Variants in SOX6 observed in about 807,000 individuals in gnomAD.
The protein encoded by SOX6 is SRY-box transcription factor 6.
In SOX6, 11 loss-of-function variants were observed where a neutral mutation model predicts 97.8. The ratio of observed to expected loss-of-function variants is 0.11; its 90% CI spans 0.07 to 0.19. The LOEUF is 0.19. SOX6 is among the 10% of genes least tolerant of loss of function. The pLI, the probability that SOX6 is intolerant of heterozygous loss-of-function variation, is 1.00. For synonymous variants in SOX6, 360 were observed against 371.4 expected (o/e 0.97, Z 0.35); for missense variants, 810 against 1,039.5 (o/e 0.78, Z 3.04).
chr11:16,404,587 C>T (rs1858644623), intron 1 of SOX6, among the ~76,000 whole-genome samples: 1 of 151,826 alleles, frequency 6.6e-6, no homozygotes, highest in South Asian at 2.1e-4. Context: ...ACATTGTATG[C>T]CCACAACCAG....
rs1356877232 is a variant in SOX6 at position 16,332,752 on chromosome 11, CT to C, written c.237+8259del. 2.0e-5 allele frequency among the ~76,000 whole-genome samples: 3 copies of C among 152,116 alleles called. No individual in the cohort carries two copies. In the East Asian group the frequency reaches 5.8e-4, roughly 29 times the overall value. ...ATTTGCATCACCTAAAAAACAATGC[CT>C]AGGGGTCAAGAGAATGTAGTAAAGG... is the stretch of plus-strand genomic sequence containing the variant. On this transcript the variant is annotated intron_variant, in intron 2 of 15. Transcript: ENST00000683767.
chr11:16,563,549 A>G (rs2133193582), intron 4 of SOX6, among the ~76,000 whole-genome samples: 1 of 152,314 alleles, frequency 6.6e-6, no homozygotes, highest in East Asian at 1.9e-4. Flanking sequence ...AGAACAATAG[A>G]ATATATCCAA....
chr11:16,601,288 C>T (rs1426996833), intron 4 of SOX6, among the ~76,000 whole-genome samples: 2 of 152,158 alleles, frequency 1.3e-5, no homozygotes, highest in African/African-American at 2.4e-5. Flanking sequence ...ATCTGCAAAA[C>T]ATCTTGCTGT....
chr11:16,271,257 T>G (rs1311210999), intron 3 of SOX6, among the ~76,000 whole-genome samples: 1 of 151,440 alleles, frequency 6.6e-6, no homozygotes, highest in Non-Finnish European at 1.5e-5. Context: ...ATTAATGTGG[T>G]ATTTGATTAT....
intron 6 of SOX6, among the ~76,000 whole-genome samples, chr11:16,129,538 A>G (rs556531776): frequency 1.3e-5 from 2 of 152,336 alleles, no homozygotes; most frequent in African/African-American, 4.8e-5. Context: ...ACTAGTTTTA[A>G]AAAGCATACA....
intron 3 of SOX6, among the ~76,000 whole-genome samples, chr11:16,696,636 T>C (rs1848055881): frequency 6.6e-6 from 1 of 152,230 alleles, no homozygotes; most frequent in Non-Finnish European, 1.5e-5. Context: ...AAACAATATA[T>C]GTACCTTAAT....
chr11:16,134,034 T>C lies in SOX6; in HGVS notation c.778-22111A>G, dbSNP rs572149793. Among the ~76,000 whole-genome samples, 4 of 152,348 alleles carry C rather than the reference T, an allele frequency of 2.6e-5. No individual in the cohort carries two copies. In the South Asian group the frequency reaches 8.3e-4, roughly 32 times the overall value. ...GTAATTACATTGGTGATGATAATAA[T>C]GATTATAGTAATAAAGGCTACACTG... On this transcript the variant is annotated intron_variant, in intron 6 of 15. Coordinates refer to ENST00000683767, the MANE Select transcript of SOX6 (RefSeq NM_001367873.1).
At chr11:15,987,521 A>AT (rs36078424) in intron 14 of SOX6, among the ~76,000 whole-genome samples, 4 of 152,196 alleles carry the variant, frequency 2.6e-5, no homozygotes, top group East Asian at 1.9e-4. Context: ...ATTCCTAATA[A>AT]TTTTTTCACA....
intron 4 of SOX6, among the ~76,000 whole-genome samples, chr11:16,217,273 C>T (rs1254646335): frequency 6.6e-6 from 1 of 152,084 alleles, no homozygotes; most frequent in Non-Finnish European, 1.5e-5. Flanking sequence ...CTCTTGACAT[C>T]CTGCAACCTG....
chr11:16,392,379 G>T (rs1374277337), intron 1 of SOX6, among the ~76,000 whole-genome samples: 2 of 151,986 alleles, frequency 1.3e-5, no homozygotes, highest in African/African-American at 4.8e-5. Context: ...GAATGTATTT[G>T]TGTCTTACTT....
intron 4 of SOX6, among the ~76,000 whole-genome samples, chr11:16,608,975 A>T (rs1238590032): frequency 6.6e-6 from 1 of 152,208 alleles, no homozygotes; most frequent in Non-Finnish European, 1.5e-5. Flanking sequence ...GTAGAAAATT[A>T]TGTTAATAAA....
rs191531678 is a variant in SOX6 at position 16,432,538 on chromosome 11, G to A, written c.-5+43777C>T. Among the ~76,000 whole-genome samples the A allele has an allele frequency of 3.9e-3, 592 of 152,088 alleles. 2 individuals are homozygous for A. The highest frequency in any genetic ancestry group is 6.4e-3 in the Non-Finnish European group (433 of 67,912). The stretch of plus-strand genomic sequence containing the variant: ...GATGTATCCAATGATACAAATTGCC[G>A]TAATCAGAAACCCAGTTTTACATTT... On this transcript the variant is annotated intron_variant, in intron 1 of 15. Coordinates refer to the SOX6 transcript ENST00000396356.
At chr11:16,480,645 ACC>A (rs11343081), upstream of SOX6, among the ~76,000 whole-genome samples, 43 of 148,200 alleles carry the variant, frequency 2.9e-4, 1 homozygote, top group South Asian at 3.6e-3. Flanking sequence ...GTTTTTAGTA[ACC>A]CCCCCCCCAC....
chr11:16,117,671 G>A (rs1462593137), intron 6 of SOX6, among the ~76,000 whole-genome samples: 1 of 152,132 alleles, frequency 6.6e-6, no homozygotes, highest in Admixed American at 6.5e-5. Flanking sequence ...TCCTTTTATG[G>A]AAGTTGTGTA....
chr11:15,979,064 T>TATATATATATATATATATAA (rs1491385664), intron 15 of SOX6, among the ~76,000 whole-genome samples: 1 of 140,450 alleles, frequency 7.1e-6, no homozygotes, highest in African/African-American at 2.6e-5. Flanking sequence ...TATATATATA[T>TATATATATATATATATATAA]AAAACTGCTT....
chr11:16,722,374 C>T (rs1378243929), intron 2 of SOX6, among the ~76,000 whole-genome samples: 1 of 151,988 alleles, frequency 6.6e-6, no homozygotes, highest in Non-Finnish European at 1.5e-5. Flanking sequence ...GGCAATGGGC[C>T]GGGTGCAGTG....
intron 9 of SOX6, among the ~76,000 whole-genome samples, chr11:16,092,081 G>A (rs770368978): frequency 2.6e-5 from 4 of 151,922 alleles, no homozygotes; most frequent in South Asian, 2.1e-4. Context: ...GCTGACAGTC[G>A]CTTTATCTCA....
intron 4 of SOX6, among the ~76,000 whole-genome samples, chr11:16,585,637 C>CG (rs565046479): frequency 4.8e-5 from 7 of 145,088 alleles, no homozygotes; most frequent in Non-Finnish European, 9.0e-5. Context: ...ATTAATGGGG[C>CG]GGGGGAGTCA....
At chr11:16,155,218 T>A (rs1327932774) in intron 6 of SOX6, among the ~76,000 whole-genome samples, 1 of 152,118 alleles carries the variant, frequency 6.6e-6, no homozygotes, top group South Asian at 2.1e-4. Context: ...TAGATTCTCA[T>A]AGAAAGAGAG....
Sources: gnomAD v4.1 joint callset for allele counts (sites outside exome capture counted in the v4.1 genomes callset) on GRCh38, gnomAD v4.1.1 for gene constraint, MANE v1.5 for transcripts, NCBI Gene and HGNC (gene_info 2026-07-23, HGNC 2026-07-21) for gene names.